The following RPL13A variants were observed in gnomAD, a reference collection of about 807,000 sequenced individuals.
RPL13A encodes ribosomal protein L13a, also known as large ribosomal subunit protein uL13.
A neutral mutation model predicts 30.8 loss-of-function variants in RPL13A; 4 were observed. The observed-to-expected ratio is 0.13, with a 90% CI of 0.06 to 0.30. The LOEUF (loss-of-function observed/expected upper bound fraction) is 0.30, where lower values mean the gene tolerates loss of function less well. Ranked by LOEUF, RPL13A falls within the 10% of genes least tolerant of loss-of-function variation. The pLI is 1.00. For synonymous variants in RPL13A, 108 were observed against 104.2 expected, an observed-to-expected ratio of 1.04 and a Z score of -0.22; for missense variants, 196 against 272.6, an observed-to-expected ratio of 0.72 and a Z score of 1.98.
At position 49,487,655 on chromosome 19, in the gene RPL13A, C is replaced by T. The variant is rs759091057; in HGVS notation, c.15+11C>T. ...ATGGCGGAGGTGCAGGTATGGGCTC[C>T]GCGCGGGCCGGGGCGGCAAGGGGCC... On this transcript the variant is annotated intron_variant, in intron 1 of 7. Coordinates refer to ENST00000391857, the MANE Select transcript of RPL13A (RefSeq NM_012423.4). The T allele has an allele frequency of 6.5e-7, 1 of 1,540,942 alleles. No homozygotes were observed. The highest frequency in any genetic ancestry group is 1.2e-5 in the South Asian group (1 of 82,436).
chr19:49,487,962 T>C (rs2079823539), intron 1 of RPL13A, among the ~76,000 whole-genome samples: 1 of 151,792 alleles, frequency 6.6e-6, no homozygotes, highest in Non-Finnish European at 1.5e-5. Context: ...CTTGGCCGAA[T>C]TGGACCCTTG....
rs771681356 is a variant in RPL13A, at chr19:49,491,310, G to A, written c.403-115G>A. On this transcript the variant is annotated intron_variant, in intron 6 of 7. Coordinates refer to ENST00000391857, the MANE Select transcript of RPL13A (RefSeq NM_012423.4). Reference sequence around the variant, plus strand: ...GGCCTGCAGAGAACAGTTGCATTATGATATGCCCAGCTGTCAGTCACCTCC... The same window carrying A: ...GGCCTGCAGAGAACAGTTGCATTATAATATGCCCAGCTGTCAGTCACCTCC... 7.6e-6 allele frequency: 9 copies of A among 1,179,710 alleles called. No individual in the cohort carries two copies. In the East Asian group the frequency reaches 2.1e-4, roughly 27 times the overall value. The allele number at this position is 1,179,710 out of a possible 1,614,324, so 73.1% of individuals were successfully genotyped here. A position where few individuals can be genotyped will look rare whatever the true frequency, so the allele number is the denominator to read the frequency against.
chr19:49,491,079 C>G lies in RPL13A; in HGVS notation c.382C>G (p.Arg128Gly). Reference protein sequence around the residue: ...MVVPAALKVVRLKPTRKFAYL... With the variant: ...MVVPAALKVVGLKPTRKFAYL... ...GGTTCCTGCTGCCCTCAAGGTCGTG[C>G]GTCTGAAGCCTACAAGAAAGGTGAG... is the stretch of plus-strand genomic sequence containing the variant. Residue 128 changes from arginine to glycine, a missense_variant, in exon 6 of 8, where the codon CGT (arginine) becomes GGT (glycine). Arg to Gly is a moderately radical substitution (Grantham distance 125). Transcript: ENST00000391857. 6.2e-7 allele frequency: 1 copy of G among 1,614,184 alleles called. No homozygotes were observed. Among genetic ancestry groups the G allele is most frequent in the Non-Finnish European group, 8.5e-7 (1 of 1,180,038 alleles).
In RPL13A at chr19:49,491,475, A is replaced by T; in HGVS notation, c.453A>T (p.Ala151=). The change falls in exon 7 of 8, where the codon GCA becomes GCT. Residue 151 remains alanine, a synonymous_variant. Coordinates refer to ENST00000391857, the MANE Select transcript of RPL13A (RefSeq NM_012423.4). ...ACGAGGTTGGCTGGAAGTACCAGGC[A>T]GTGACAGCCACCCTGGAGGAGAAGA... ...LAHEVGWKYQ[A]VTATLEEKRK... 1.4e-6 allele frequency: 2 copies of T among 1,392,814 alleles called. No homozygotes were observed. The highest frequency in any genetic ancestry group is 1.9e-6 in the Non-Finnish European group (2 of 1,061,772). The allele number at this position is 1,392,814 out of a possible 1,614,324, so 86.3% of individuals were successfully genotyped here.
rs2079875570 is a variant in RPL13A, at chr19:49,491,924, C to T, written c.*109C>T. The T allele has an allele frequency of 2.4e-6, 2 of 839,180 alleles. No individual in the cohort carries two copies. Among genetic ancestry groups the T allele is most frequent in the Admixed American group, 4.5e-5 (2 of 44,342 alleles). The allele number at this position is 839,180 out of a possible 1,614,324, so 52.0% of individuals were successfully genotyped here. ...AGCAGTCCAGGTGCCACAGGCAGCC[C>T]TGGGACATAGGAAGCTGGGAGCAAG... On this transcript the variant is annotated 3_prime_UTR_variant, in exon 8 of 8. Transcript: ENST00000391857.
chr19:49,487,659 C>T lies in RPL13A; in HGVS notation c.15+15C>T, dbSNP rs1347902148. 1.0e-5 allele frequency: 16 copies of T among 1,527,966 alleles called. No individual in the cohort carries two copies. Among genetic ancestry groups the T allele is most frequent in the African/African-American group, 5.7e-5 (4 of 70,270 alleles). 94.7% of individuals were successfully genotyped at this position (1,527,966 alleles called of 1,614,324 possible). ...CGGAGGTGCAGGTATGGGCTCCGCGCGGGCCGGGGCGGCAAGGGGCCGGGT... is the reference window on the plus strand; with the variant it reads ...CGGAGGTGCAGGTATGGGCTCCGCGTGGGCCGGGGCGGCAAGGGGCCGGGT... On this transcript the variant is annotated intron_variant, in intron 1 of 7. Coordinates refer to ENST00000391857, the MANE Select transcript of RPL13A (RefSeq NM_012423.4).
rs367814477 is a variant in RPL13A, at chr19:49,491,810, G to A, written c.607G>A (p.Val203Ile). The change falls in exon 8 of 8, where the codon GTC (valine) becomes ATC (isoleucine). Residue 203 changes from valine to isoleucine, a missense_variant. Transcript: ENST00000391857. ...TEVLKTHGLL[V>I] ...GGTCCTCAAGACCCACGGACTCCTG[G>A]TCTGAGCCCAATAAAGACTGTTAAT... is the stretch of plus-strand genomic sequence containing the variant. The A allele has an allele frequency of 1.4e-5, 22 of 1,605,004 alleles. No individual in the cohort carries two copies. The African/African-American group carries it at 2.3e-4, about 17-fold the overall frequency.
intron 1 of RPL13A, 86 bp downstream of exon 1, chr19:49,487,730 T>C (rs2079819320): frequency 7.4e-7 from 1 of 1,348,042 alleles, no homozygotes; most frequent in Non-Finnish European, 9.8e-7. Context: ...TCTTGCATGT[T>C]TTGCGGAGCT....
intron 7 of RPL13A, 57 bp from the exon 8 acceptor site, chr19:49,491,672 G>A (rs1601166178): frequency 1.3e-6 from 2 of 1,587,010 alleles, no homozygotes; most frequent in South Asian, 2.3e-5. Flanking sequence ...TGCAGTCCAT[G>A]TAATGAGGGC....
chr19:49,491,668 C>T, intron 7 of RPL13A, 61 bp from the exon 8 acceptor site: 1 of 1,583,144 alleles, frequency 6.3e-7, no homozygotes, highest in South Asian at 1.1e-5. Context: ...GGGATGCAGT[C>T]CATGTAATGA....
rs200242267 is a variant in RPL13A at position 49,491,420 on chromosome 19, C to CG, written c.403-4dup. The CG allele has an allele frequency of 9.8e-4, 1,054 of 1,071,704 alleles. 40 individuals are homozygous for CG. Among genetic ancestry groups the CG allele is most frequent in the African/African-American group, 4.9e-3 (185 of 37,614 alleles). The allele number at this position is 1,071,704 out of a possible 1,614,324, so 66.4% of individuals were successfully genotyped here. A position where few individuals can be genotyped will look rare whatever the true frequency, so the allele number is the denominator to read the frequency against. ...TTTGTTCACCCCCCCCCCCCCCCCCCGCAGTTTGCCTATCTGGGGCGCCTG... is the reference window on the plus strand; with the variant it reads ...TTTGTTCACCCCCCCCCCCCCCCCCCGGCAGTTTGCCTATCTGGGGCGCCTG... On this transcript the variant is annotated splice_polypyrimidine_tract_variant and splice_region_variant and intron_variant, in intron 6 of 7. Coordinates refer to ENST00000391857, the MANE Select transcript of RPL13A (RefSeq NM_012423.4).
chr19:49,487,770 C>T, intron 1 of RPL13A, 126 bp downstream of exon 1: 2 of 1,027,790 alleles, frequency 1.9e-6, no homozygotes, highest in South Asian at 1.8e-5. Flanking sequence ...AAATGGAAGT[C>T]TTTTGGGATA....
At chr19:49,491,402 A>ACCCCCCCCTCCCCCC in intron 6 of RPL13A, 23 bp from the exon 7 acceptor site, 1 of 236,632 alleles carries the variant, frequency 4.2e-6, no homozygotes, top group Non-Finnish European at 7.8e-6. Context: ...TCATTTGTTC[A>ACCCCCCCCTCCCCCC]CCCCCCCCCC....
At chr19:49,490,391 T>C in intron 3 of RPL13A, 84 bp from the exon 4 acceptor site, 1 of 1,588,648 alleles carries the variant, frequency 6.3e-7, no homozygotes, top group Non-Finnish European at 8.6e-7. Context: ...AGAGGCTACT[T>C]GGGGTTTCTG....
rs139958890 is a variant in RPL13A, at chr19:49,491,572, G to C, written c.525+25G>C. On this transcript the variant is annotated intron_variant, in intron 7 of 7. Coordinates refer to ENST00000391857, the MANE Select transcript of RPL13A (RefSeq NM_012423.4). ...GGTGAGGCCAGGGGCTGGTGCTGAG[G>C]GGGGCATCTCACTCCTGGACAGGCC... The C allele has an allele frequency of 2.3e-3, 3,632 of 1,554,162 alleles. 58 individuals are homozygous for C. The African/African-American group carries it at 0.033, about 14-fold the overall frequency.
chr19:49,491,555 C>T lies in RPL13A; in HGVS notation c.525+8C>T, dbSNP rs2079871294. On this transcript the variant is annotated splice_region_variant and intron_variant, in intron 7 of 7. Coordinates refer to ENST00000391857, the MANE Select transcript of RPL13A (RefSeq NM_012423.4). The stretch of plus-strand genomic sequence containing the variant: ...AAGAAGAAACAGCTCATGGTGAGGC[C>T]AGGGGCTGGTGCTGAGGGGGGCATC... 2 of 1,552,042 alleles carry T rather than the reference C, an allele frequency of 1.3e-6. No individual in the cohort carries two copies. The highest frequency in any genetic ancestry group is 4.8e-5 in the East Asian group (2 of 42,046).
intron 1 of RPL13A, 134 bp downstream of exon 1, chr19:49,487,778 A>G: frequency 1.0e-6 from 1 of 956,920 alleles, no homozygotes; most frequent in South Asian, 1.9e-5. Context: ...GTCTTTTGGG[A>G]TAAGGGGAAT....
chr19:49,490,151 G>A (rs765048711), intron 2 of RPL13A, 81 bp from the exon 3 acceptor site: 46 of 1,336,406 alleles, frequency 3.4e-5, no homozygotes, highest in Non-Finnish European at 4.1e-5. Context: ...CAAGTACTGC[G>A]CTGTGTCTGG....
In RPL13A at chr19:49,487,608, C is replaced by G. The variant is rs762193746; in HGVS notation, c.-22C>G. 4.4e-6 allele frequency: 7 copies of G among 1,576,366 alleles called. No individual in the cohort carries two copies. Among genetic ancestry groups the G allele is most frequent in the Non-Finnish European group, 6.0e-6 (7 of 1,161,796 alleles). The stretch of plus-strand genomic sequence containing the variant: ...AGAAACCCTGCGACAAAACCTCCTC[C>G]TTTTCCAAGCGGCTGCCGAAGATGG... On this transcript the variant is annotated 5_prime_UTR_variant, in exon 1 of 8. Coordinates refer to ENST00000391857, the MANE Select transcript of RPL13A (RefSeq NM_012423.4).
Sources: gnomAD v4.1 joint callset for allele counts (sites outside exome capture counted in the v4.1 genomes callset) on GRCh38, gnomAD v4.1.1 for gene constraint, MANE v1.5 for transcripts, NCBI Gene and HGNC (gene_info 2026-07-23, HGNC 2026-07-21) for gene names.